ATXN7L1: variants seen among roughly 807,000 people sequenced by gnomAD.
The protein encoded by ATXN7L1 is ataxin 7 like 1, also known as ataxin-7-like protein 1.
Under a neutral mutation model 70.8 loss-of-function variants are expected in ATXN7L1, and 15 were observed. That is an observed-to-expected ratio of 0.21 (90% CI 0.14 to 0.33). ATXN7L1 has a LOEUF of 0.33. Among genes scored for constraint, ATXN7L1 ranks in the 10% least tolerant of loss-of-function variants. The probability of loss-of-function intolerance (pLI) is 1.00; values close to 1 mark genes in which losing one functional copy is unlikely to be tolerated. For synonymous variants in ATXN7L1, 440 were observed against 445.1 expected, an observed-to-expected ratio of 0.99 and a Z score of 0.14; for missense variants, 975 against 1,097.1, an observed-to-expected ratio of 0.89 and a Z score of 1.57.
At chr7:105,875,923 A>G (rs1563165290) in intron 1 of ATXN7L1, 43 bp from the exon 2 acceptor site, 2 of 1,593,268 alleles carry the variant, frequency 1.3e-6, no homozygotes, top group African/African-American at 1.3e-5. Flanking sequence ...TAAGGAAAAA[A>G]GGGGGGAAAA....
At chr7:105,648,630 G>A (rs1055499801) in intron 4 of ATXN7L1, among the ~76,000 whole-genome samples, 13 of 151,942 alleles carry the variant, frequency 8.6e-5, no homozygotes, top group East Asian at 3.9e-4. Context: ...CAGATCCCGC[G>A]TGTGCCTATG....
rs1792706956 is a variant in ATXN7L1 at position 105,605,157 on chromosome 7, AAG to A, written c.*2693_*2694del. 6.7e-6 allele frequency: 1 copy of A among 150,224 alleles called. No homozygotes were observed. Among genetic ancestry groups the A allele is most frequent in the Admixed American group, 6.7e-5 (1 of 14,840 alleles). The allele number at this position is 150,224 out of a possible 1,614,324, so 9.3% of individuals were successfully genotyped here. ...CGACAAGTCAGGAGATCTTCAGGCA[AAG>A]AGGGGTGTGTGCAGTCAAGGGGCTG... On this transcript the variant is annotated 3_prime_UTR_variant, in exon 12 of 12. Transcript: ENST00000419735.
intron 2 of ATXN7L1, among the ~76,000 whole-genome samples, chr7:105,830,466 A>C (rs1382156141): frequency 6.6e-6 from 1 of 152,174 alleles, no homozygotes; most frequent in Admixed American, 6.5e-5. Flanking sequence ...GCCATTGATG[A>C]CTGTGGAAGA....
intron 2 of ATXN7L1, among the ~76,000 whole-genome samples, chr7:105,853,268 G>T (rs1325202728): frequency 1.3e-5 from 2 of 152,188 alleles, no homozygotes; most frequent in African/African-American, 2.4e-5. Context: ...TTAAATGTAG[G>T]CTACATGCAG....
At chr7:105,790,229 T>G (rs1052017105) in intron 2 of ATXN7L1, among the ~76,000 whole-genome samples, 2 of 152,174 alleles carry the variant, frequency 1.3e-5, no homozygotes, top group African/African-American at 4.8e-5. Context: ...AGATCGATAG[T>G]GATGACAGTC....
At chr7:105,842,691 G>A (rs1475488460) in intron 2 of ATXN7L1, among the ~76,000 whole-genome samples, 2 of 152,140 alleles carry the variant, frequency 1.3e-5, no homozygotes, top group African/African-American at 4.8e-5. Context: ...GTTTTTGTGT[G>A]ACCTTAGGTA....
At position 105,639,587 on chromosome 7, in the gene ATXN7L1, CA is replaced by C; in HGVS notation, c.863-19del. On this transcript the variant is annotated intron_variant, in intron 5 of 11. Coordinates refer to ENST00000419735, the MANE Select transcript of ATXN7L1 (RefSeq NM_020725.2). The stretch of plus-strand genomic sequence containing the variant: ...TTCTCTCTCTGGTTTAAGAAACAAA[CA>C]AAAAATATAAGAAAAAAGGAGACTA... 2.6e-6 allele frequency: 4 copies of C among 1,518,598 alleles called. No homozygotes were observed. The South Asian group carries it at 4.9e-5, about 18-fold the overall frequency. The allele number at this position is 1,518,598 out of a possible 1,614,324, so 94.1% of individuals were successfully genotyped here.
At chr7:105,775,396 T>C (rs560112427) in intron 3 of ATXN7L1, among the ~76,000 whole-genome samples, 16 of 152,148 alleles carry the variant, frequency 1.1e-4, no homozygotes, top group Non-Finnish European at 1.8e-4. Flanking sequence ...TGGAAGTATC[T>C]TTAGAGATTT....
chr7:105,673,876 T>A (rs911628615), intron 3 of ATXN7L1, among the ~76,000 whole-genome samples: 1 of 152,224 alleles, frequency 6.6e-6, no homozygotes, highest in Non-Finnish European at 1.5e-5. Flanking sequence ...AGTTAGATAC[T>A]AAACTTACTG....
chr7:105,661,397 G>C (rs73408857), intron 4 of ATXN7L1, among the ~76,000 whole-genome samples: 104 of 152,320 alleles, frequency 6.8e-4, no homozygotes, highest in African/African-American at 2.5e-3. Flanking sequence ...CTAGTTTGTA[G>C]AGGGTCCGTT....
At chr7:105,698,752 T>G (rs1311032933) in intron 3 of ATXN7L1, among the ~76,000 whole-genome samples, 1 of 152,154 alleles carries the variant, frequency 6.6e-6, no homozygotes, top group African/African-American at 2.4e-5. Flanking sequence ...GATAAAGATC[T>G]TAGATGTGGG....
intron 7 of ATXN7L1, among the ~76,000 whole-genome samples, chr7:105,626,111 C>G (rs968448847): frequency 6.6e-6 from 1 of 152,132 alleles, no homozygotes; most frequent in African/African-American, 2.4e-5. Flanking sequence ...CACTTAAAAA[C>G]AAAACCACAA....
At chr7:105,751,305 C>A (rs1402415248) in intron 3 of ATXN7L1, among the ~76,000 whole-genome samples, 1 of 152,052 alleles carries the variant, frequency 6.6e-6, no homozygotes, top group Non-Finnish European at 1.5e-5. Context: ...CTGCTGGATG[C>A]CTATTCACAA....
chr7:105,644,089 T>C (rs1185578679), intron 4 of ATXN7L1, among the ~76,000 whole-genome samples: 1 of 152,180 alleles, frequency 6.6e-6, no homozygotes, highest in African/African-American at 2.4e-5. Context: ...GAAGCCTACT[T>C]AGCTATTTGA....
At chr7:105,699,040 C>G (rs1792106477) in intron 3 of ATXN7L1, among the ~76,000 whole-genome samples, 1 of 152,074 alleles carries the variant, frequency 6.6e-6, no homozygotes, top group African/African-American at 2.4e-5. Context: ...AGGCAGAAAG[C>G]CTTTCCATTT....
At chr7:105,646,218 G>A (rs1010120264) in intron 4 of ATXN7L1, among the ~76,000 whole-genome samples, 1 of 152,108 alleles carries the variant, frequency 6.6e-6, no homozygotes, top group Non-Finnish European at 1.5e-5. Flanking sequence ...GAGGCTGCAG[G>A]TGGATCGCTT....
At chr7:105,626,282 GA>G (rs1345181670) in intron 7 of ATXN7L1, among the ~76,000 whole-genome samples, 7 of 152,134 alleles carry the variant, frequency 4.6e-5, no homozygotes, top group African/African-American at 1.7e-4. Context: ...AGACACAAAG[GA>G]CAAATATTGG....
intron 8 of ATXN7L1, among the ~76,000 whole-genome samples, chr7:105,623,402 C>A (rs936033941): frequency 3.3e-5 from 5 of 152,198 alleles, no homozygotes; most frequent in African/African-American, 1.2e-4. Context: ...AACAAGCCTC[C>A]AGGGGATGCC....
chr7:105,733,641 T>TCCATCCACCCAA, intron 3 of ATXN7L1, among the ~76,000 whole-genome samples: 1 of 99,328 alleles, frequency 1.0e-5, no homozygotes, highest in African/African-American at 4.4e-5. Flanking sequence ...CACCCATCCA[T>TCCATCCACCCAA]CCATCCATCC....
Sources: allele counts gnomAD v4.1 joint callset (sites outside exome capture counted in the v4.1 genomes callset), GRCh38; gene constraint gnomAD v4.1.1; transcripts MANE v1.5; gene names NCBI Gene and HGNC (gene_info 2026-07-23, HGNC 2026-07-21).